GSE1: variants seen among roughly 807,000 people sequenced by gnomAD.
GSE1 encodes genetic suppressor element 1.
In GSE1, 32 loss-of-function variants were observed where a neutral mutation model predicts 112.6. The ratio of observed to expected loss-of-function variants is 0.28; its 90% CI spans 0.21 to 0.38. The LOEUF is 0.38. GSE1 is among the 10% of genes least tolerant of loss of function. The probability of loss-of-function intolerance (pLI) is 1.00; values close to 1 mark genes in which losing one functional copy is unlikely to be tolerated. For synonymous variants in GSE1, 1,115 were observed against 735.6 expected (o/e 1.52, Z -8.35); for missense variants, 2,348 against 1,699.2 (o/e 1.38, Z -6.71).
At chr16:85,188,806 TAAAA>T (rs11334141) in intron 1 of GSE1, among the ~76,000 whole-genome samples, 1 of 138,790 alleles carries the variant, frequency 7.2e-6, no homozygotes, top group African/African-American at 2.6e-5. Flanking sequence ...ATCTCTATCT[TAAAA>T]AAAAAAAAAA....
In GSE1 at chr16:85,675,378, A is replaced by G. The variant is rs749108969; in HGVS notation, c.*2839A>G. 2 of 152,210 alleles carry G rather than the reference A, an allele frequency of 1.3e-5. No homozygotes were observed. The highest frequency in any genetic ancestry group is 2.9e-5 in the Non-Finnish European group (2 of 68,034). The allele number at this position is 152,210 out of a possible 1,614,324, so 9.4% of individuals were successfully genotyped here. On this transcript the variant is annotated 3_prime_UTR_variant, in exon 16 of 16. Transcript: ENST00000253458. ...CTGAAACAAGTTATTTTTGCTTCAT[A>G]TAGTCAGAGTCAGACTGACATGATA... is the stretch of plus-strand genomic sequence containing the variant.
At chr16:85,248,742 C>A (rs544369909) in intron 1 of GSE1, among the ~76,000 whole-genome samples, 1 of 152,346 alleles carries the variant, frequency 6.6e-6, no homozygotes, top group East Asian at 1.9e-4. Context: ...CCATCTCCCC[C>A]CATTGATACC....
At chr16:85,494,790 G>T (rs986900103) in intron 2 of GSE1, among the ~76,000 whole-genome samples, 1 of 152,266 alleles carries the variant, frequency 6.6e-6, no homozygotes, top group Non-Finnish European at 1.5e-5. Flanking sequence ...GGAGCTAGAA[G>T]GGGCTTTACA....
intron 1 of GSE1, among the ~76,000 whole-genome samples, chr16:85,625,504 C>A (rs2049010552): frequency 1.3e-5 from 2 of 152,158 alleles, no homozygotes; most frequent in Non-Finnish European, 2.9e-5. Context: ...GTGACCTGGC[C>A]CCCCAGGTGA....
At chr16:85,184,494 C>G (rs1051711013) in intron 1 of GSE1, among the ~76,000 whole-genome samples, 1 of 152,190 alleles carries the variant, frequency 6.6e-6, no homozygotes, top group Non-Finnish European at 1.5e-5. Flanking sequence ...ATTTGCTAAG[C>G]ATTCCCCATA....
At chr16:85,495,578 C>G (rs555080436) in intron 2 of GSE1, among the ~76,000 whole-genome samples, 1 of 151,966 alleles carries the variant, frequency 6.6e-6, no homozygotes, top group East Asian at 1.9e-4. Context: ...CTCCCTGCAG[C>G]CTCTACCTCC....
chr16:85,260,615 A>G (rs1022342643), intron 1 of GSE1, among the ~76,000 whole-genome samples: 25 of 152,022 alleles, frequency 1.6e-4, no homozygotes, highest in African/African-American at 5.3e-4. Flanking sequence ...GAGCCACCGC[A>G]CCCAGCCAGG....
At chr16:85,528,016 G>C (rs1330132431) in intron 2 of GSE1, among the ~76,000 whole-genome samples, 1 of 152,220 alleles carries the variant, frequency 6.6e-6, no homozygotes. Context: ...GGAGAGACGA[G>C]GACAGCTGCA....
At chr16:85,262,950 T>A (rs1335691433) in intron 1 of GSE1, among the ~76,000 whole-genome samples, 1 of 152,142 alleles carries the variant, frequency 6.6e-6, no homozygotes, top group African/African-American at 2.4e-5. Context: ...GTGGACAAAG[T>A]GGACAGAGAT....
intron 2 of GSE1, among the ~76,000 whole-genome samples, chr16:85,413,060 C>A (rs1014548963): frequency 6.6e-6 from 1 of 152,182 alleles, no homozygotes; most frequent in African/African-American, 2.4e-5. Context: ...GCTGGAGGGG[C>A]CGCCCCACGG....
chr16:85,566,967 G>A (rs942228432), intron 1 of GSE1, among the ~76,000 whole-genome samples: 3 of 152,160 alleles, frequency 2.0e-5, no homozygotes, highest in African/African-American at 7.2e-5. Flanking sequence ...AAGAACCTGT[G>A]TCACTGTCGG....
chr16:85,513,880 G>A (rs954598048), intron 2 of GSE1, among the ~76,000 whole-genome samples: 3 of 152,016 alleles, frequency 2.0e-5, no homozygotes, highest in Admixed American at 6.6e-5. Context: ...TGCAGAAATC[G>A]GGACCCCACC....
chr16:85,372,769 C>A (rs1454572441), intron 2 of GSE1, among the ~76,000 whole-genome samples: 1 of 152,162 alleles, frequency 6.6e-6, no homozygotes, highest in East Asian at 1.9e-4. Context: ...TGAGCACTTA[C>A]TGTATACCAA....
chr16:85,453,018 C>T (rs909432937), intron 2 of GSE1, among the ~76,000 whole-genome samples: 2 of 152,170 alleles, frequency 1.3e-5, no homozygotes, highest in South Asian at 4.1e-4. Context: ...TTTCTGTCCC[C>T]GACGCTGCCG....
chr16:85,643,403 C>T (rs2050603522), intron 2 of GSE1, among the ~76,000 whole-genome samples: 2 of 152,308 alleles, frequency 1.3e-5, no homozygotes, highest in East Asian at 1.9e-4. Context: ...TGAGTAGCAC[C>T]CGCCAGCGGG....
intron 2 of GSE1, among the ~76,000 whole-genome samples, chr16:85,410,565 T>C (rs1392781805): frequency 1.0e-4 from 1 of 9,818 alleles, no homozygotes; most frequent in Non-Finnish European, 1.8e-4. Context: ...TCAGGGTCCC[T>C]CTGATAATCC....
chr16:85,553,840 C>A (rs998477169), upstream of GSE1, among the ~76,000 whole-genome samples: 5 of 152,210 alleles, frequency 3.3e-5, no homozygotes, highest in African/African-American at 4.8e-5. Context: ...GTATCGTATT[C>A]CGGGAGTTCA....
chr16:85,260,322 T>TC (rs1555548576), intron 1 of GSE1, among the ~76,000 whole-genome samples: 1 of 101,938 alleles, frequency 9.8e-6, no homozygotes, highest in East Asian at 2.5e-4. Flanking sequence ...TTCTTTTCTT[T>TC]TTTTTTTTTT....
intron 1 of GSE1, among the ~76,000 whole-genome samples, chr16:85,324,738 A>G (rs1226709160): frequency 6.6e-6 from 1 of 152,118 alleles, no homozygotes; most frequent in Non-Finnish European, 1.5e-5. Context: ...TGACATGTCC[A>G]ATAGGCAAAT....
Sources: gnomAD v4.1 joint callset for allele counts (sites outside exome capture counted in the v4.1 genomes callset) on GRCh38, gnomAD v4.1.1 for gene constraint, MANE v1.5 for transcripts, NCBI Gene and HGNC (gene_info 2026-07-23, HGNC 2026-07-21) for gene names.